The following RAPGEF4 variants were observed in gnomAD, a reference collection of about 807,000 sequenced individuals.
The protein encoded by RAPGEF4 is Rap guanine nucleotide exchange factor 4.
A neutral mutation model predicts 147.9 loss-of-function variants in RAPGEF4; 66 were observed. The ratio of observed to expected loss-of-function variants is 0.45; its 90% confidence interval spans 0.37 to 0.55. The LOEUF (loss-of-function observed/expected upper bound fraction) is 0.55, where lower values mean the gene tolerates loss of function less well. RAPGEF4 is among the 20% of genes least tolerant of loss of function. The probability of loss-of-function intolerance (pLI) is 0.00; values close to 1 mark genes in which losing one functional copy is unlikely to be tolerated. For synonymous variants in RAPGEF4, 419 were observed against 442.7 expected (o/e 0.95, Z 0.67); for missense variants, 1,071 against 1,257.3 (o/e 0.85, Z 2.24).
At chr2:173,044,735 A>C (rs186395296) in intron 29 of RAPGEF4, among the ~76,000 whole-genome samples, 8 of 152,242 alleles carry the variant, frequency 5.3e-5, no homozygotes, top group African/African-American at 1.9e-4. Flanking sequence ...CCCTACACGG[A>C]TCCGGAGCGC....
chr2:173,004,172 G>T (rs572315053), intron 17 of RAPGEF4, among the ~76,000 whole-genome samples: 1 of 152,206 alleles, frequency 6.6e-6, no homozygotes, highest in East Asian at 1.9e-4. Context: ...TTCCAGTTTT[G>T]CTTTTACCAT....
intron 4 of RAPGEF4, among the ~76,000 whole-genome samples, chr2:172,878,409 G>A (rs1158818029): frequency 2.0e-5 from 3 of 152,162 alleles, no homozygotes; most frequent in African/African-American, 4.8e-5. Context: ...CTTATTTCTA[G>A]GAGAGTCTGT....
At chr2:172,828,376 G>A (rs1689917514) in intron 4 of RAPGEF4, among the ~76,000 whole-genome samples, 1 of 152,154 alleles carries the variant, frequency 6.6e-6, no homozygotes, top group African/African-American at 2.4e-5. Flanking sequence ...CAGAGGAGGG[G>A]TCATAACAGC....
rs990260405 is a variant in RAPGEF4, at chr2:172,996,617, G to C, written c.1579+63G>C. The stretch of plus-strand genomic sequence containing the variant: ...ATGCATAGCATTGTTTAAAAGTCCT[G>C]AATTCATTTGCAGTGTGTATAGCGA... On this transcript the variant is annotated intron_variant, in intron 16 of 30. Coordinates refer to ENST00000397081, the MANE Select transcript of RAPGEF4 (RefSeq NM_007023.4). The C allele has an allele frequency of 4.4e-6, 5 of 1,141,788 alleles. No individual in the cohort carries two copies. In the South Asian group the frequency reaches 7.2e-5, roughly 16 times the overall value. 70.7% of individuals were successfully genotyped at this position (1,141,788 alleles called of 1,614,324 possible).
chr2:172,905,676 A>G (rs1454811004), intron 4 of RAPGEF4, among the ~76,000 whole-genome samples: 1 of 152,222 alleles, frequency 6.6e-6, no homozygotes, highest in African/African-American at 2.4e-5. Context: ...ACTAGAGCTA[A>G]AGTTGTGATT....
chr2:172,876,333 C>T (rs1695915455), intron 4 of RAPGEF4, among the ~76,000 whole-genome samples: 1 of 152,084 alleles, frequency 6.6e-6, no homozygotes, highest in African/African-American at 2.4e-5. Context: ...TGCCAGTTTT[C>T]AAAGGGAATG....
chr2:172,840,950 A>G (rs1217369626), intron 4 of RAPGEF4, among the ~76,000 whole-genome samples: 2 of 152,264 alleles, frequency 1.3e-5, no homozygotes, highest in Non-Finnish European at 2.9e-5. Flanking sequence ...GGCTGACGCC[A>G]TAGCACTATG....
chr2:173,022,613 C>G (rs186602306), intron 23 of RAPGEF4, among the ~76,000 whole-genome samples: 52 of 152,334 alleles, frequency 3.4e-4, no homozygotes, highest in Admixed American at 2.0e-3. Context: ...CTGCTCTGTG[C>G]TTGGGGCTGT....
intron 4 of RAPGEF4, among the ~76,000 whole-genome samples, chr2:172,826,512 A>G (rs556600242): frequency 3.9e-5 from 6 of 152,362 alleles, no homozygotes; most frequent in Non-Finnish European, 8.8e-5. Flanking sequence ...AAAAAGCTCT[A>G]TAATAACTTT....
At chr2:173,026,847 T>G in intron 24 of RAPGEF4, 150 bp downstream of exon 24, 1 of 1,178,436 alleles carries the variant, frequency 8.5e-7, no homozygotes. Context: ...AAGCATGCTA[T>G]AAAGCCTTTG....
intron 26 of RAPGEF4, among the ~76,000 whole-genome samples, chr2:173,032,869 C>T (rs567792055): frequency 6.6e-6 from 1 of 152,340 alleles, no homozygotes; most frequent in Non-Finnish European, 1.5e-5. Flanking sequence ...AGGTAGGCTT[C>T]ACTGTTCAAA....
At chr2:173,013,419 G>A (rs1370209825) in intron 17 of RAPGEF4, among the ~76,000 whole-genome samples, 2 of 152,214 alleles carry the variant, frequency 1.3e-5, no homozygotes, top group Admixed American at 1.3e-4. Flanking sequence ...TAGAAATGGA[G>A]CGACACTTTC....
At chr2:172,750,708 A>G (rs955923865) in intron 1 of RAPGEF4, among the ~76,000 whole-genome samples, 3 of 152,068 alleles carry the variant, frequency 2.0e-5, no homozygotes, top group Non-Finnish European at 4.4e-5. Context: ...TTTTCACTGT[A>G]GTTTTGATTT....
chr2:172,971,332 G>A (rs976860637), intron 10 of RAPGEF4, among the ~76,000 whole-genome samples: 4 of 152,206 alleles, frequency 2.6e-5, no homozygotes, highest in Non-Finnish European at 5.9e-5. Context: ...CCTAAAGTTG[G>A]GAGGACAGTT....
chr2:172,910,963 T>C (rs572048233), intron 4 of RAPGEF4, among the ~76,000 whole-genome samples: 1 of 152,246 alleles, frequency 6.6e-6, no homozygotes, highest in East Asian at 1.9e-4. Flanking sequence ...GCATCACCTT[T>C]CAGGAAAGCG....
In RAPGEF4 at chr2:172,738,061, AC is replaced by A. The variant is rs2149409901; in HGVS notation, c.65+2014del. Among the ~76,000 whole-genome samples the A allele has an allele frequency of 2.6e-5, 4 of 151,990 alleles. No homozygotes were observed. The East Asian group carries it at 7.7e-4, about 29-fold the overall frequency. On this transcript the variant is annotated intron_variant, in intron 1 of 30. Transcript: ENST00000397081. ...CTCATTGTATGAAGGCCATGGGGGG[AC>A]TTGTTTTGAAGTTGTGTTTTTACTT...
At chr2:172,942,568 TAAAA>T (rs60948094) in intron 6 of RAPGEF4, among the ~76,000 whole-genome samples, 5 of 107,844 alleles carry the variant, frequency 4.6e-5, no homozygotes, top group Non-Finnish European at 3.9e-5. Flanking sequence ...TAGAGTCTGG[TAAAA>T]AAAAAAAAAA....
At chr2:172,785,563 A>G (rs1474067347) in intron 1 of RAPGEF4, among the ~76,000 whole-genome samples, 2 of 152,192 alleles carry the variant, frequency 1.3e-5, no homozygotes, top group Non-Finnish European at 2.9e-5. Context: ...ACTGAACCTT[A>G]AAGTCATTCT....
intron 4 of RAPGEF4, among the ~76,000 whole-genome samples, chr2:172,829,897 T>A (rs930883926): frequency 3.3e-5 from 5 of 151,326 alleles, no homozygotes; most frequent in African/African-American, 9.7e-5. Context: ...TTACCTGGGA[T>A]TCTTGAGCCC....
Sources: gnomAD v4.1 joint callset for allele counts (sites outside exome capture counted in the v4.1 genomes callset) on GRCh38, gnomAD v4.1.1 for gene constraint, MANE v1.5 for transcripts, NCBI Gene and HGNC (gene_info 2026-07-23, HGNC 2026-07-21) for gene names.